Variants in LY6E observed in about 807,000 individuals in gnomAD.
LY6E encodes the protein lymphocyte antigen 6 family member E.
LY6E carries 4 observed loss-of-function variants against 7.7 expected under a neutral mutation model. That is an observed-to-expected ratio of 0.52 (90% confidence interval 0.25 to 1.18). The LOEUF (loss-of-function observed/expected upper bound fraction) is 1.18. Among genes scored for constraint, LY6E ranks in the 50% most tolerant of loss-of-function variants. LY6E has a pLI of 0.14. For synonymous variants in LY6E, 81 were observed against 80.1 expected (o/e 1.01, Z -0.06); for missense variants, 156 against 168.0 (o/e 0.93, Z 0.40).
intron 2 of LY6E, 122 bp downstream of exon 2, chr8:143,021,113 C>T (rs923327126): frequency 4.7e-6 from 6 of 1,284,254 alleles, no homozygotes; most frequent in East Asian, 2.4e-5. Context: ...GCAGAGGGCT[C>T]ACCCGGCCTG....
At chr8:143,021,255 G>T (rs1819211833) in intron 2 of LY6E, 59 bp from the exon 3 acceptor site, 2 of 1,586,466 alleles carry the variant, frequency 1.3e-6, no homozygotes, top group African/African-American at 2.7e-5. Flanking sequence ...GTCCACTGGG[G>T]TCAGGCCTGG....
rs1586615708 is a variant in LY6E at position 143,021,982 on chromosome 8, C to G, written c.*193C>G. The G allele has an allele frequency of 5.0e-6, 3 of 602,180 alleles. No homozygotes were observed. Among genetic ancestry groups the G allele is most frequent in the East Asian group, 2.8e-5 (1 of 35,946 alleles). 37.3% of individuals were successfully genotyped at this position (602,180 alleles called of 1,614,324 possible). ...CCCCAAGTGGGGCCAGCTGCCCTCA[C>G]TTCTGGGGTGGATGATGTGACCTTC... On this transcript the variant is annotated 3_prime_UTR_variant, in exon 4 of 4. Coordinates refer to ENST00000292494, the MANE Select transcript of LY6E (RefSeq NM_002346.3).
At chr8:143,021,124 G>T (rs1819209341) in intron 2 of LY6E, 133 bp downstream of exon 2, 1 of 1,241,752 alleles carries the variant, frequency 8.1e-7, no homozygotes. Context: ...ACCCGGCCTG[G>T]CCACACTGTC....
In LY6E at chr8:143,021,823, A is replaced by G. The variant is rs1416657379; in HGVS notation, c.*34A>G. On this transcript the variant is annotated 3_prime_UTR_variant, in exon 4 of 4. Transcript: ENST00000292494. The stretch of plus-strand genomic sequence containing the variant: ...ACCCTGTCCCCCGATCCCCCAGCTC[A>G]GGAAGGAAAGCCCAGCCCTTTCTGG... 1.3e-6 allele frequency: 2 copies of G among 1,551,206 alleles called. No individual in the cohort carries two copies. Among genetic ancestry groups the G allele is most frequent in the African/African-American group, 2.7e-5 (2 of 73,996 alleles).
At position 143,021,196 on chromosome 8, in the gene LY6E, T is replaced by C. The variant is rs139365361; in HGVS notation, c.53-118T>C. 2.0e-4 allele frequency: 289 copies of C among 1,434,102 alleles called. 1 individual carries two copies. In the East Asian group the frequency reaches 5.6e-3, roughly 28 times the overall value. 88.8% of individuals were successfully genotyped at this position (1,434,102 alleles called of 1,614,324 possible). On this transcript the variant is annotated intron_variant, in intron 2 of 3. Transcript: ENST00000292494. ...GGCCAGGGTGGGGTGTCACTGTCTTTGCTCTGCCTTCAGCCCAGGGCCTGG... is the reference window on the plus strand; with the variant it reads ...GGCCAGGGTGGGGTGTCACTGTCTTCGCTCTGCCTTCAGCCCAGGGCCTGG...
In LY6E at chr8:143,022,293, T is replaced by C. The variant is rs1044304437; in HGVS notation, c.*504T>C. The C allele has an allele frequency of 5.3e-4, 85 of 161,846 alleles. 1 individual carries two copies. Among genetic ancestry groups the C allele is most frequent in the African/African-American group, 1.9e-3 (78 of 41,876 alleles). 10.0% of individuals were successfully genotyped at this position (161,846 alleles called of 1,614,324 possible). Reference sequence around the variant, plus strand: ...AAGGGCAGCCTTTGGGGGTTGGGGTTTCTGCCACTTCCGGGTCTAGGCCCT... The same window carrying C: ...AAGGGCAGCCTTTGGGGGTTGGGGTCTCTGCCACTTCCGGGTCTAGGCCCT... On this transcript the variant is annotated 3_prime_UTR_variant, in exon 4 of 4. Coordinates refer to ENST00000292494, the MANE Select transcript of LY6E (RefSeq NM_002346.3).
At position 143,021,682 on chromosome 8, in the gene LY6E, C is replaced by G; in HGVS notation, c.289C>G (p.Leu97Val). The G allele has an allele frequency of 6.2e-7, 1 of 1,613,770 alleles. No individual in the cohort carries two copies. The highest frequency in any genetic ancestry group is 8.5e-7 in the Non-Finnish European group (1 of 1,180,032). Residue 97 changes from leucine to valine, a missense_variant, in exon 4 of 4, where the codon CTG (leucine) becomes GTG (valine). Leu to Val is a conservative substitution (Grantham distance 32, BLOSUM62 1). Coordinates refer to ENST00000292494, the MANE Select transcript of LY6E (RefSeq NM_002346.3). ...GGGCATCAGCTGCTGCCAGAGCTTT[C>G]TGTGCAATTTCAGTGCGGCCGATGG... is the stretch of plus-strand genomic sequence containing the variant. ...SMGISCCQSF[L>V]CNFSAADGGL... is the part of the protein sequence containing the mutation.
chr8:143,020,233 T>C (rs1424628548), intron 1 of LY6E: 6 of 152,472 alleles, frequency 3.9e-5, no homozygotes. Flanking sequence ...TATAGATGTG[T>C]ATATAGATTT....
intron 1 of LY6E, among the ~76,000 whole-genome samples, chr8:143,019,846 G>A (rs79539938): frequency 5.6e-4 from 86 of 152,344 alleles, no homozygotes; most frequent in African/African-American, 2.0e-3. Context: ...CCAACACCAT[G>A]CACTCACAAA....
rs1819146818 is a variant in LY6E at position 143,019,139 on chromosome 8, G to C, written c.-58+553G>C. 4 of 152,302 alleles carry C rather than the reference G, an allele frequency of 2.6e-5. 1 individual carries two copies. The highest frequency in any genetic ancestry group is 2.6e-4 in the Admixed American group (4 of 15,286). 9.4% of individuals were successfully genotyped at this position (152,302 alleles called of 1,614,324 possible). On this transcript the variant is annotated intron_variant, in intron 1 of 3. Transcript: ENST00000292494. Reference sequence around the variant, plus strand: ...CTTGCGGTGAGGTCCAAGGAGCCCAGCCTCCCTGAGTGGACCGCCGGGCCC... The same window carrying C: ...CTTGCGGTGAGGTCCAAGGAGCCCACCCTCCCTGAGTGGACCGCCGGGCCC...
chr8:143,021,055 C>A (rs1819207565), intron 2 of LY6E, 64 bp downstream of exon 2: 1 of 1,570,722 alleles, frequency 6.4e-7, no homozygotes, highest in African/African-American at 1.3e-5. Context: ...CCCTCTCCAC[C>A]CCTCTCCCCT....
chr8:143,020,354 AG>A (rs1418386077), intron 1 of LY6E: 1 of 153,982 alleles, frequency 6.5e-6, no homozygotes, highest in Non-Finnish European at 1.4e-5. Flanking sequence ...CTCCCACCTC[AG>A]CCTCCCAAGT....
In LY6E at chr8:143,020,922, A is replaced by G. The variant is rs752510385; in HGVS notation, c.-18A>G. On this transcript the variant is annotated 5_prime_UTR_variant, in exon 2 of 4. Transcript: ENST00000292494. ...CTTTGGTTTGTGACCTCCAGGCAGGACGGCCATCCTCTCCAGAATGAAGAT... is the reference window on the plus strand; with the variant it reads ...CTTTGGTTTGTGACCTCCAGGCAGGGCGGCCATCCTCTCCAGAATGAAGAT... 1.1e-5 allele frequency: 18 copies of G among 1,613,338 alleles called. No individual in the cohort carries two copies. The Admixed American group carries it at 2.8e-4, about 25-fold the overall frequency.
In LY6E at chr8:143,020,995, A is replaced by G. The variant is rs368614869; in HGVS notation, c.52+4A>G. The G allele has an allele frequency of 4.0e-4, 606 of 1,528,794 alleles. No homozygotes were observed. Among genetic ancestry groups the G allele is most frequent in the Non-Finnish European group, 4.0e-4 (452 of 1,135,708 alleles). The allele number at this position is 1,528,794 out of a possible 1,614,324, so 94.7% of individuals were successfully genotyped here. A position where few individuals can be genotyped will look rare whatever the true frequency, so the allele number is the denominator to read the frequency against. On this transcript the variant is annotated splice_donor_region_variant and intron_variant, in intron 2 of 3. Coordinates refer to ENST00000292494, the MANE Select transcript of LY6E (RefSeq NM_002346.3). ...GCCCTTCTGGGTGTGGAGCGAGGTG[A>G]GGTGCCCTTGGGGACCCCAGACCTT...
rs1483538118 is a variant in LY6E at position 143,022,026 on chromosome 8, G to A, written c.*237G>A. The A allele has an allele frequency of 1.7e-6, 1 of 579,216 alleles. No individual in the cohort carries two copies. The highest frequency in any genetic ancestry group is 2.8e-5 in the East Asian group (1 of 35,282). The allele number at this position is 579,216 out of a possible 1,614,324, so 35.9% of individuals were successfully genotyped here. On this transcript the variant is annotated 3_prime_UTR_variant, in exon 4 of 4. Transcript: ENST00000292494. ...GACCTTCCTTGGGGGACCGCGGAAGGGACGAGGGTTCCCTGGAGTCTTACG... is the reference window on the plus strand; with the variant it reads ...GACCTTCCTTGGGGGACCGCGGAAGAGACGAGGGTTCCCTGGAGTCTTACG...
Position 143,018,535 on chromosome 8 carries a change from C to T in LY6E, c.-109C>T, listed in dbSNP as rs1819123704. ...TCCGGGCCAGCCGCGGTCCAGAGCG[C>T]GCGAGGTTCGGGGAGCTCGGCCAGG... is the stretch of plus-strand genomic sequence containing the variant. On this transcript the variant is annotated 5_prime_UTR_variant, in exon 1 of 4. Transcript: ENST00000292494. The T allele has an allele frequency of 6.3e-6, 1 of 159,428 alleles. No individual in the cohort carries two copies. The highest frequency in any genetic ancestry group is 1.4e-5 in the Non-Finnish European group (1 of 73,684). 9.9% of individuals were successfully genotyped at this position (159,428 alleles called of 1,614,324 possible).
rs369848739 is a variant in LY6E at position 143,021,561 on chromosome 8, T to C, written c.173-5T>C. ...TCTCCCCTGACAGCCTCATTTCCCATGCAGGGAATCTCGTGACATTTGGCC... is the reference window on the plus strand; with the variant it reads ...TCTCCCCTGACAGCCTCATTTCCCACGCAGGGAATCTCGTGACATTTGGCC... On this transcript the variant is annotated splice_region_variant and splice_polypyrimidine_tract_variant and intron_variant, in intron 3 of 3. Coordinates refer to ENST00000292494, the MANE Select transcript of LY6E (RefSeq NM_002346.3). 35 of 1,613,524 alleles carry C rather than the reference T, an allele frequency of 2.2e-5. No homozygotes were observed. Among genetic ancestry groups the C allele is most frequent in the Non-Finnish European group, 3.0e-5 (35 of 1,179,812 alleles).
chr8:143,021,157 T>C (rs1368555766), intron 2 of LY6E, among the ~76,000 whole-genome samples, 157 bp from the exon 3 acceptor site: 1 of 152,158 alleles, frequency 6.6e-6, no homozygotes, highest in African/African-American at 2.4e-5. Context: ...TGAGTGTCGC[T>C]TGACCTGCTC....
chr8:143,019,115 T>G (rs1027433385), intron 1 of LY6E: 2 of 152,382 alleles, frequency 1.3e-5, no homozygotes, highest in Admixed American at 1.3e-4. Flanking sequence ...CTGGTGGTGC[T>G]TGCGGTGAGG....
Sources: gnomAD v4.1 joint callset for allele counts (sites outside exome capture counted in the v4.1 genomes callset) on GRCh38, gnomAD v4.1.1 for gene constraint, MANE v1.5 for transcripts, NCBI Gene and HGNC (gene_info 2026-07-23, HGNC 2026-07-21) for gene names.